Variants in RETREG2 observed in about 807,000 individuals in gnomAD.
RETREG2 encodes reticulophagy regulator 2.
RETREG2 carries 21 observed loss-of-function variants against 51.6 expected under a neutral mutation model. The observed-to-expected ratio is 0.41, with a 90% CI of 0.29 to 0.59. The LOEUF is 0.59. Among genes scored for constraint, RETREG2 ranks in the 20% least tolerant of loss-of-function variants. The pLI, the probability that RETREG2 is intolerant of heterozygous loss-of-function variation, is 0.34. For synonymous variants in RETREG2, 339 were observed against 288.6 expected (o/e 1.17, Z -1.77); for missense variants, 674 against 646.0 (o/e 1.04, Z -0.47).
Position 219,184,603 on chromosome 2 carries a change from T to C in RETREG2, c.*1974T>C, listed in dbSNP as rs912240134. The C allele has an allele frequency of 2.0e-5, 3 of 152,120 alleles. No homozygotes were observed. Among genetic ancestry groups the C allele is most frequent in the Non-Finnish European group, 4.4e-5 (3 of 68,028 alleles). The allele number at this position is 152,120 out of a possible 1,614,324, so 9.4% of individuals were successfully genotyped here. A position where few individuals can be genotyped will look rare whatever the true frequency, so the allele number is the denominator to read the frequency against. ...ATCACTTAGAGATTTCAGAGGGGAA[T>C]GGAAAAACAGTTCTAATCAATAAGC... On this transcript the variant is annotated 3_prime_UTR_variant, in exon 9 of 9. Transcript: ENST00000430297.
Position 219,178,644 on chromosome 2 carries a change from C to T in RETREG2, c.281+11C>T. ...CAACGGCCTCTTCTGGTAACGGCCG[C>T]GGAGGAGGGGGCGGGGCCGGGATGA... On this transcript the variant is annotated intron_variant, in intron 1 of 8. Coordinates refer to ENST00000430297, the MANE Select transcript of RETREG2 (RefSeq NM_024293.6). The T allele has an allele frequency of 3.0e-6, 4 of 1,322,078 alleles. No homozygotes were observed. The highest frequency in any genetic ancestry group is 3.5e-5 in the Admixed American group (1 of 28,288). The allele number at this position is 1,322,078 out of a possible 1,614,324, so 81.9% of individuals were successfully genotyped here.
rs956179326 is a variant in RETREG2 at position 219,183,541 on chromosome 2, G to C, written c.*912G>C. On this transcript the variant is annotated 3_prime_UTR_variant, in exon 9 of 9. Transcript: ENST00000430297. ...TGCCTTCCACACCCTGCACTGCACT[G>C]TGTTCTCTCCTCACCCTTAACCTGC... 1 of 152,362 alleles carries C rather than the reference G, an allele frequency of 6.6e-6. No individual in the cohort carries two copies. The highest frequency in any genetic ancestry group is 1.5e-5 in the Non-Finnish European group (1 of 68,128). 9.4% of individuals were successfully genotyped at this position (152,362 alleles called of 1,614,324 possible).
At position 219,184,499 on chromosome 2, in the gene RETREG2, T is replaced by G. The variant is rs924093436; in HGVS notation, c.*1870T>G. Reference sequence around the variant, plus strand: ...CTAAGTGTGTAAGAATTTTTCTGTTTGCTTCACATTTGACTGAGAATCATT... The same window carrying G: ...CTAAGTGTGTAAGAATTTTTCTGTTGGCTTCACATTTGACTGAGAATCATT... On this transcript the variant is annotated 3_prime_UTR_variant, in exon 9 of 9. Transcript: ENST00000430297. 6.6e-6 allele frequency: 1 copy of G among 152,220 alleles called. No individual in the cohort carries two copies. The highest frequency in any genetic ancestry group is 1.5e-5 in the Non-Finnish European group (1 of 68,040). The allele number at this position is 152,220 out of a possible 1,614,324, so 9.4% of individuals were successfully genotyped here.
rs767640911 is a variant in RETREG2 at position 219,179,714 on chromosome 2, C to T, written c.389-19C>T. 1 of 1,613,664 alleles carries T rather than the reference C, an allele frequency of 6.2e-7. No homozygotes were observed. The highest frequency in any genetic ancestry group is 8.5e-7 in the Non-Finnish European group (1 of 1,179,604). ...GGGCCCCTACCACTCAATAATTTGC[C>T]CCCCTCCTCTCTCTCTAGCATCATC... On this transcript the variant is annotated intron_variant, in intron 2 of 8. Transcript: ENST00000430297.
chr2:219,181,868 T>C, intron 8 of RETREG2, 93 bp downstream of exon 8: 1 of 1,563,366 alleles, frequency 6.4e-7, no homozygotes, highest in Non-Finnish European at 8.7e-7. Context: ...ACTCACTCTC[T>C]AATTCTCTCA....
At chr2:219,179,453 C>T (rs572675347) in intron 2 of RETREG2, among the ~76,000 whole-genome samples, 4 of 152,274 alleles carry the variant, frequency 2.6e-5, no homozygotes, top group African/African-American at 9.6e-5. Context: ...ATAAATAGAA[C>T]GTCAGTGTTG....
chr2:219,179,310 T>C (rs1689173082), intron 2 of RETREG2, among the ~76,000 whole-genome samples: 1 of 152,254 alleles, frequency 6.6e-6, no homozygotes, highest in African/African-American at 2.4e-5. Flanking sequence ...TAAAAGTAGC[T>C]CAATTTCTGT....
At position 219,184,894 on chromosome 2, in the gene RETREG2, T is replaced by G. The variant is rs956507514; in HGVS notation, c.*2265T>G. The G allele has an allele frequency of 4.1e-5, 6 of 147,148 alleles. No individual in the cohort carries two copies. Among genetic ancestry groups the G allele is most frequent in the African/African-American group, 1.5e-4 (6 of 40,626 alleles). The allele number at this position is 147,148 out of a possible 1,614,324, so 9.1% of individuals were successfully genotyped here. A position where few individuals can be genotyped will look rare whatever the true frequency, so the allele number is the denominator to read the frequency against. On this transcript the variant is annotated 3_prime_UTR_variant, in exon 9 of 9. Coordinates refer to ENST00000430297, the MANE Select transcript of RETREG2 (RefSeq NM_024293.6). ...CAGGCTGGAGTGCAATGGTGCAGTC[T>G]TGGTTCACTGCAACCTCTGCCTCCC... is the stretch of plus-strand genomic sequence containing the variant.
intron 4 of RETREG2, among the ~76,000 whole-genome samples, chr2:219,180,461 AG>A (rs1327167795): frequency 2.0e-5 from 3 of 152,214 alleles, no homozygotes; most frequent in Admixed American, 6.5e-5. Flanking sequence ...TCTCCTGCCA[AG>A]GCAGACCAGT....
chr2:219,185,412 T>C lies in RETREG2; in HGVS notation c.*2783T>C, dbSNP rs1164862724. 6.6e-6 allele frequency: 1 copy of C among 152,208 alleles called. No individual in the cohort carries two copies. The highest frequency in any genetic ancestry group is 1.5e-5 in the Non-Finnish European group (1 of 68,034). 9.4% of individuals were successfully genotyped at this position (152,208 alleles called of 1,614,324 possible). On this transcript the variant is annotated 3_prime_UTR_variant, in exon 9 of 9. Coordinates refer to ENST00000430297, the MANE Select transcript of RETREG2 (RefSeq NM_024293.6). ...GCTATGTATTCAAACAGCTAATAGT[T>C]TAATGTTGCTGCTTATAAACTTAAT...
chr2:219,182,190 T>C lies in RETREG2; in HGVS notation c.1193T>C (p.Leu398Ser), dbSNP rs763736555. 6.2e-7 allele frequency: 1 copy of C among 1,614,098 alleles called. No homozygotes were observed. The highest frequency in any genetic ancestry group is 1.7e-5 in the Admixed American group (1 of 60,014). ...GAGGATGTGGCAGCTAAGGAAACCT[T>C]GTTGCGGCTCTCATCCCCCCTCCAC... is the stretch of plus-strand genomic sequence containing the variant. Reference protein sequence around the residue: ...EEEDVAAKETLLRLSSPLHFV... With the variant: ...EEEDVAAKETSLRLSSPLHFV... Residue 398 changes from leucine to serine, a missense_variant, in exon 9 of 9, where the codon TTG becomes TCG. Leu to Ser is a moderately radical substitution (Grantham distance 145). Transcript: ENST00000430297.
Position 219,182,796 on chromosome 2 carries a change from C to T in RETREG2, c.*167C>T. The T allele has an allele frequency of 1.4e-6, 1 of 728,476 alleles. No individual in the cohort carries two copies. Among genetic ancestry groups the T allele is most frequent in the Non-Finnish European group, 2.2e-6 (1 of 447,694 alleles). The allele number at this position is 728,476 out of a possible 1,614,324, so 45.1% of individuals were successfully genotyped here. On this transcript the variant is annotated 3_prime_UTR_variant, in exon 9 of 9. Coordinates refer to ENST00000430297, the MANE Select transcript of RETREG2 (RefSeq NM_024293.6). ...CTGCCTGCCTGCCTGCTGTCCTGGG[C>T]ATGGTGCAGTACCTGTGCCTAGGAT...
In RETREG2 at chr2:219,181,779, T is replaced by C. The variant is rs541229469; in HGVS notation, c.1015+4T>C. ...CAGCTGACTGATGTCTCCGAGGGTA[T>C]GGGGAGCCCTTTGCTGCCCTGCTCC... On this transcript the variant is annotated splice_donor_region_variant and intron_variant, in intron 8 of 8. Transcript: ENST00000430297. The C allele has an allele frequency of 1.2e-6, 2 of 1,612,080 alleles. No individual in the cohort carries two copies. Among genetic ancestry groups the C allele is most frequent in the Non-Finnish European group, 1.7e-6 (2 of 1,178,948 alleles).
rs1306385093 is a variant in RETREG2, at chr2:219,183,610, CAG to C, written c.*982_*983del. On this transcript the variant is annotated 3_prime_UTR_variant, in exon 9 of 9. Coordinates refer to ENST00000430297, the MANE Select transcript of RETREG2 (RefSeq NM_024293.6). ...GGCTGTTTATTACCTTGTTGCAAAA[CAG>C]GGCCGAAGCAAGGATTACCTTGACA... 6.6e-6 allele frequency: 1 copy of C among 152,292 alleles called. No homozygotes were observed. The highest frequency in any genetic ancestry group is 2.4e-5 in the African/African-American group (1 of 41,460). 9.4% of individuals were successfully genotyped at this position (152,292 alleles called of 1,614,324 possible). A position where few individuals can be genotyped will look rare whatever the true frequency, so the allele number is the denominator to read the frequency against.
chr2:219,182,799 G>C lies in RETREG2; in HGVS notation c.*170G>C. 2.8e-6 allele frequency: 2 copies of C among 705,468 alleles called. No homozygotes were observed. The highest frequency in any genetic ancestry group is 4.6e-6 in the Non-Finnish European group (2 of 430,390). 43.7% of individuals were successfully genotyped at this position (705,468 alleles called of 1,614,324 possible). On this transcript the variant is annotated 3_prime_UTR_variant, in exon 9 of 9. Transcript: ENST00000430297. ...CCTGCCTGCCTGCTGTCCTGGGCAT[G>C]GTGCAGTACCTGTGCCTAGGATTGG...
intron 2 of RETREG2, 145 bp downstream of exon 2, chr2:219,179,173 TA>T (rs1950238081): frequency 2.8e-6 from 2 of 717,538 alleles, no homozygotes; most frequent in Non-Finnish European, 5.0e-6. Context: ...CGGAATTCCC[TA>T]AAATGAGAAT....
rs755858232 is a variant in RETREG2, at chr2:219,180,084, C to G, written c.420-26C>G. 27 of 1,613,436 alleles carry G rather than the reference C, an allele frequency of 1.7e-5. No individual in the cohort carries two copies. In the South Asian group the frequency reaches 2.6e-4, roughly 16 times the overall value. ...TCTAGGAAGCTGGTATCTGAGGCCT[C>G]CAGGGGTCATGTCATGTCTCCCCAG... On this transcript the variant is annotated intron_variant, in intron 3 of 8. Transcript: ENST00000430297.
chr2:219,185,015 T>TG lies in RETREG2; in HGVS notation c.*2390dup, dbSNP rs758718396. The TG allele has an allele frequency of 1.3e-5, 2 of 151,682 alleles. No individual in the cohort carries two copies. The highest frequency in any genetic ancestry group is 2.9e-5 in the Non-Finnish European group (2 of 67,920). 9.4% of individuals were successfully genotyped at this position (151,682 alleles called of 1,614,324 possible). A position where few individuals can be genotyped will look rare whatever the true frequency, so the allele number is the denominator to read the frequency against. The stretch of plus-strand genomic sequence containing the variant: ...CTATTTTTTGTATTTTTAGTAGAGG[T>TG]GGGGTTTCACCATGTTGGCCAGGCT... On this transcript the variant is annotated 3_prime_UTR_variant, in exon 9 of 9. Transcript: ENST00000430297.
At chr2:219,180,324 TAA>T in intron 4 of RETREG2, 79 bp downstream of exon 4, 1 of 1,560,606 alleles carries the variant, frequency 6.4e-7, no homozygotes, top group Non-Finnish European at 8.8e-7. Flanking sequence ...TGGAGTGATA[TAA>T]ACTCCCCGCT....
Sources: allele counts gnomAD v4.1 joint callset (sites outside exome capture counted in the v4.1 genomes callset), GRCh38; gene constraint gnomAD v4.1.1; transcripts MANE v1.5; gene names NCBI Gene and HGNC (gene_info 2026-07-23, HGNC 2026-07-21).